The following CALD1 variants were observed in gnomAD, a reference collection of about 807,000 sequenced individuals.
CALD1 encodes the protein caldesmon.
A neutral mutation model predicts 99.9 loss-of-function variants in CALD1; 33 were observed. The observed-to-expected ratio is 0.33, with a 90% CI of 0.25 to 0.44. The LOEUF (loss-of-function observed/expected upper bound fraction) is 0.44, where lower values mean the gene tolerates loss of function less well. Among genes scored for constraint, CALD1 ranks in the 20% least tolerant of loss-of-function variants. The pLI is 1.00. For synonymous variants in CALD1, 310 were observed against 325.0 expected (o/e 0.95, Z 0.50); for missense variants, 861 against 962.1 (o/e 0.89, Z 1.39).
chr7:134,827,842 C>G (rs1799066194), intron 1 of CALD1, among the ~76,000 whole-genome samples: 1 of 152,160 alleles, frequency 6.6e-6, no homozygotes, highest in South Asian at 2.1e-4. Flanking sequence ...TCAGGACCGT[C>G]TACAGAATCT....
chr7:134,947,156 T>C (rs556035992), intron 7 of CALD1, among the ~76,000 whole-genome samples: 1 of 152,162 alleles, frequency 6.6e-6, no homozygotes, highest in South Asian at 2.1e-4. Flanking sequence ...TTGCTTTCCA[T>C]TCTTTTAGAA....
the CALD1 span, among the ~76,000 whole-genome samples, chr7:134,729,591 G>T: frequency 6.6e-6 from 1 of 152,246 alleles, no homozygotes; most frequent in East Asian, 1.9e-4. Flanking sequence ...GCCGTACAGT[G>T]CAAGTCTCCC....
At chr7:134,818,596 T>C (rs904512871) in intron 1 of CALD1, among the ~76,000 whole-genome samples, 1 of 152,190 alleles carries the variant, frequency 6.6e-6, no homozygotes, top group Non-Finnish European at 1.5e-5. Flanking sequence ...GTTCCATGTC[T>C]CTTGACCCAG....
chr7:134,725,539 G>A, the CALD1 span, among the ~76,000 whole-genome samples: 1 of 152,200 alleles, frequency 6.6e-6, no homozygotes, highest in Non-Finnish European at 1.5e-5. Context: ...AATTCTAACA[G>A]TTGGTGCTTG....
Position 134,867,676 on chromosome 7 carries a change from T to C in CALD1, c.-41-17T>C. On this transcript the variant is annotated splice_polypyrimidine_tract_variant and intron_variant, in intron 2 of 14. Coordinates refer to ENST00000361675, the MANE Select transcript of CALD1 (RefSeq NM_033138.4). ...ACTGAGTTATCAATGATATTGACTC[T>C]ACCTCCTCTCTTTCAGGTCCAGACA... The C allele has an allele frequency of 2.0e-6, 2 of 1,002,846 alleles. No individual in the cohort carries two copies. Among genetic ancestry groups the C allele is most frequent in the Non-Finnish European group, 3.1e-6 (2 of 647,548 alleles). 62.1% of individuals were successfully genotyped at this position (1,002,846 alleles called of 1,614,324 possible). A position where few individuals can be genotyped will look rare whatever the true frequency, so the allele number is the denominator to read the frequency against.
rs191138749 is a variant in CALD1, at chr7:134,793,754, G to A, written c.-130+14005G>A. On this transcript the variant is annotated intron_variant, in intron 1 of 14. Transcript: ENST00000361675. Reference sequence around the variant, plus strand: ...TGGAGTGGATGCTTATTCTATCCATGGTGTGGTTTTCTGCTTTCCACAAAT... The same window carrying A: ...TGGAGTGGATGCTTATTCTATCCATAGTGTGGTTTTCTGCTTTCCACAAAT... Among the ~76,000 whole-genome samples, 24 of 152,044 alleles carry A rather than the reference G, an allele frequency of 1.6e-4. 1 individual carries two copies. The highest frequency in any genetic ancestry group is 1.0e-4 in the Non-Finnish European group (7 of 67,974).
intron 3 of CALD1, among the ~76,000 whole-genome samples, chr7:134,928,536 T>C (rs1227945747): frequency 1.3e-5 from 2 of 152,052 alleles, no homozygotes; most frequent in Admixed American, 6.5e-5. Context: ...TTGTAAATTA[T>C]CTTCTGTAGC....
intron 3 of CALD1, among the ~76,000 whole-genome samples, chr7:134,873,091 G>A (rs781337358): frequency 2.1e-4 from 32 of 152,024 alleles, no homozygotes; most frequent in Non-Finnish European, 4.0e-4. Context: ...GGAAGCTGAG[G>A]CAGGAGAATC....
intron 3 of CALD1, among the ~76,000 whole-genome samples, chr7:134,879,526 C>T (rs959719151): frequency 4.6e-5 from 7 of 152,110 alleles, no homozygotes; most frequent in African/African-American, 1.7e-4. Context: ...AATATGTAAG[C>T]TACATTCCAT....
chr7:134,824,224 T>A (rs555407957), intron 1 of CALD1, among the ~76,000 whole-genome samples: 2 of 152,276 alleles, frequency 1.3e-5, no homozygotes, highest in African/African-American at 4.8e-5. Flanking sequence ...TGCCTCTGGG[T>A]TCTTTTGTTC....
intron 9 of CALD1, among the ~76,000 whole-genome samples, chr7:134,956,855 A>G (rs1213305214): frequency 6.6e-6 from 1 of 152,186 alleles, no homozygotes; most frequent in Non-Finnish European, 1.5e-5. Flanking sequence ...GTGGTAGAGG[A>G]TATTTCTAGC....
At position 134,928,864 on chromosome 7, in the gene CALD1, A is replaced by G; in HGVS notation, c.182A>G (p.Gln61Arg). Residue 61 changes from glutamine to arginine, a missense_variant, in exon 4 of 15, where the codon CAG becomes CGG. Around this residue, in one of 5 missense-constraint regions of CALD1, gnomAD observed 123 missense variants for 169.8 expected, o/e 0.72. Transcript: ENST00000361675. The stretch of plus-strand genomic sequence containing the variant: ...AAGCAGGAGGAAGAATCCTTGGGAC[A>G]GGTGACCGACCAGGTGGAGGTGAAT... ...RQKQEEESLG[Q>R]VTDQVEVNAQ... is the part of the protein sequence containing the mutation. 1.2e-6 allele frequency: 2 copies of G among 1,613,866 alleles called. No individual in the cohort carries two copies. The highest frequency in any genetic ancestry group is 1.1e-5 in the South Asian group (1 of 90,976).
At chr7:134,759,500 A>C (rs1157153693) in intron 1 of CALD1, among the ~76,000 whole-genome samples, 1 of 152,154 alleles carries the variant, frequency 6.6e-6, no homozygotes, top group East Asian at 1.9e-4. Context: ...ATGTGTGAAA[A>C]CCTGAGGACA....
At chr7:134,945,077 A>G (rs1806752057) in intron 7 of CALD1, among the ~76,000 whole-genome samples, 1 of 152,232 alleles carries the variant, frequency 6.6e-6, no homozygotes, top group Non-Finnish European at 1.5e-5. Context: ...AAATTTTACC[A>G]TAAGGACTCT....
chr7:134,741,116 A>G (rs1299795023), upstream of CALD1, among the ~76,000 whole-genome samples: 1 of 152,158 alleles, frequency 6.6e-6, no homozygotes, highest in East Asian at 1.9e-4. Flanking sequence ...GCTTTGTATT[A>G]TTAGTCCATT....
chr7:134,743,836 C>T (rs1490185971), upstream of CALD1, among the ~76,000 whole-genome samples: 2 of 152,160 alleles, frequency 1.3e-5, no homozygotes, highest in African/African-American at 4.8e-5. Flanking sequence ...AGTTTATTTG[C>T]ACAATCACAT....
chr7:134,925,736 G>A (rs1261228908), intron 3 of CALD1, among the ~76,000 whole-genome samples: 1 of 152,156 alleles, frequency 6.6e-6, no homozygotes, highest in Non-Finnish European at 1.5e-5. Context: ...ACCTGACACG[G>A]GGGATTACAA....
At chr7:134,821,651 T>C (rs183643484) in intron 1 of CALD1, among the ~76,000 whole-genome samples, 31,234 of 109,748 alleles carry the variant, frequency 0.28, 5,885 homozygotes, top group East Asian at 0.6. Context: ...GGCACAATCT[T>C]GGCTCACTGC....
chr7:134,755,373 C>T (rs78040911), intron 1 of CALD1, among the ~76,000 whole-genome samples: 9 of 152,014 alleles, frequency 5.9e-5, no homozygotes, highest in Non-Finnish European at 1.2e-4. Context: ...TCATTACTGG[C>T]GTGGTGAAAA....
Sources: gnomAD v4.1 joint callset for allele counts (sites outside exome capture counted in the v4.1 genomes callset) on GRCh38, gnomAD v4.1.1 for gene constraint, gnomAD v4.1.1 regional missense constraint, MANE v1.5 for transcripts, NCBI Gene and HGNC (gene_info 2026-07-23, HGNC 2026-07-21) for gene names.